The following TLCD4 variants were observed in gnomAD, a reference collection of about 807,000 sequenced individuals.
The protein encoded by TLCD4 is TLC domain containing 4.
A neutral mutation model predicts 24.2 loss-of-function variants in TLCD4; 7 were observed. That is an observed-to-expected ratio of 0.29 (90% confidence interval 0.16 to 0.54). The LOEUF is 0.54. Ranked by LOEUF, TLCD4 falls within the 20% of genes least tolerant of loss-of-function variation. The pLI is 0.95. For missense variants in TLCD4, 259 were observed against 313.9 expected, an observed-to-expected ratio of 0.82 and a Z score of 1.32; for synonymous variants, 103 against 106.4, an observed-to-expected ratio of 0.97 and a Z score of 0.20.
chr1:95,119,885 A>T (rs540137138), intron 1 of TLCD4, among the ~76,000 whole-genome samples: 2 of 150,836 alleles, frequency 1.3e-5, no homozygotes, highest in Non-Finnish European at 3.0e-5. Context: ...TCAAACTGGG[A>T]TACTCAGTTT....
chr1:95,181,320 G>A (rs984930059), intron 6 of TLCD4, among the ~76,000 whole-genome samples: 7 of 152,114 alleles, frequency 4.6e-5, no homozygotes, highest in African/African-American at 1.7e-4. Context: ...AGTCTGTTGT[G>A]ATAAGTAGTG....
At chr1:95,153,826 C>T (rs1207069296) in intron 5 of TLCD4, among the ~76,000 whole-genome samples, 1 of 152,050 alleles carries the variant, frequency 6.6e-6, no homozygotes, top group Admixed American at 6.6e-5. Context: ...GACATGATGG[C>T]CTTGAAATGT....
the TLCD4 span, among the ~76,000 whole-genome samples, chr1:95,105,128 G>A: frequency 2.0e-5 from 3 of 152,136 alleles, no homozygotes; most frequent in African/African-American, 7.2e-5. Context: ...ATTTCGCCTA[G>A]CATCAGGAGA....
Position 95,192,018 on chromosome 1 carries a change from C to A in TLCD4, c.*150C>A. 1 of 1,433,994 alleles carries A rather than the reference C, an allele frequency of 7.0e-7. No homozygotes were observed. The highest frequency in any genetic ancestry group is 2.9e-5 in the Admixed American group (1 of 34,826). The allele number at this position is 1,433,994 out of a possible 1,614,324, so 88.8% of individuals were successfully genotyped here. On this transcript the variant is annotated 3_prime_UTR_variant, in exon 7 of 7. Coordinates refer to ENST00000370203, the MANE Select transcript of TLCD4 (RefSeq NM_152487.3). ...TTTTAAACCTTAGAAAAGAGAAGGC[C>A]GGGCACGGTGGCTCATGCCTGTAAT... is the stretch of plus-strand genomic sequence containing the variant.
the TLCD4 span, among the ~76,000 whole-genome samples, chr1:95,097,433 G>A: frequency 6.6e-6 from 1 of 152,196 alleles, no homozygotes; most frequent in South Asian, 2.1e-4. Context: ...AGCTATGAGA[G>A]AAATGGTTAA....
chr1:95,118,041 C>T (rs1290838296), intron 1 of TLCD4: 1 of 152,228 alleles, frequency 6.6e-6, no homozygotes, highest in Non-Finnish European at 1.5e-5. Context: ...TTTGGGCATC[C>T]AGGGAGAGCT....
chr1:95,132,418 T>C (rs1054823322), intron 1 of TLCD4, among the ~76,000 whole-genome samples: 7 of 137,408 alleles, frequency 5.1e-5, no homozygotes, highest in African/African-American at 1.9e-4. Flanking sequence ...GATTGCACCA[T>C]TGCACTCCAG....
At chr1:95,102,967 C>T in the TLCD4 span, among the ~76,000 whole-genome samples, 2 of 139,938 alleles carry the variant, frequency 1.4e-5, no homozygotes, top group Non-Finnish European at 3.1e-5. Context: ...TTTGGAAGAA[C>T]TACTTTTTAA....
chr1:95,130,082 T>A (rs143311095), intron 1 of TLCD4, among the ~76,000 whole-genome samples: 2 of 152,326 alleles, frequency 1.3e-5, no homozygotes, highest in East Asian at 3.9e-4. Context: ...ATACATTCTT[T>A]TAGATGCTTA....
At chr1:95,103,842 G>A in the TLCD4 span, among the ~76,000 whole-genome samples, 1 of 152,154 alleles carries the variant, frequency 6.6e-6, no homozygotes, top group Admixed American at 6.5e-5. Context: ...TGCATTATTT[G>A]TTAAACGAAT....
chr1:95,092,918 T>C, the TLCD4 span, among the ~76,000 whole-genome samples: 6,897 of 152,260 alleles, frequency 0.045, 204 homozygotes, highest in African/African-American at 0.08. Flanking sequence ...TTTGTATTTT[T>C]AGTAGAGACA....
intron 6 of TLCD4, among the ~76,000 whole-genome samples, chr1:95,175,130 T>C (rs1678377347): frequency 6.6e-6 from 1 of 152,204 alleles, no homozygotes; most frequent in South Asian, 2.1e-4. Flanking sequence ...ATTCACATTA[T>C]TGTGCAACAG....
chr1:95,135,395 C>G (rs1258989004), intron 1 of TLCD4, among the ~76,000 whole-genome samples: 2 of 130,502 alleles, frequency 1.5e-5, no homozygotes, highest in Non-Finnish European at 3.3e-5. Context: ...TTTTTGTACA[C>G]TTTTTTTTTT....
At chr1:95,140,517 T>C (rs1286476300) in intron 1 of TLCD4, among the ~76,000 whole-genome samples, 1 of 152,244 alleles carries the variant, frequency 6.6e-6, no homozygotes, top group Non-Finnish European at 1.5e-5. Flanking sequence ...CCATCTTTAA[T>C]GAAAAGTATA....
At chr1:95,149,386 AG>A (rs1677431478) in intron 3 of TLCD4, among the ~76,000 whole-genome samples, 1 of 152,206 alleles carries the variant, frequency 6.6e-6, no homozygotes, top group Admixed American at 6.5e-5. Flanking sequence ...GAGAAGGCTT[AG>A]TTCAGCTTAG....
At chr1:95,182,030 T>C (rs148696326) in intron 6 of TLCD4, among the ~76,000 whole-genome samples, 2 of 152,330 alleles carry the variant, frequency 1.3e-5, no homozygotes, top group Non-Finnish European at 2.9e-5. Flanking sequence ...ATTTATTAGA[T>C]GACATTTAAA....
chr1:95,110,590 T>G, the TLCD4 span, among the ~76,000 whole-genome samples: 1 of 152,050 alleles, frequency 6.6e-6, no homozygotes, highest in African/African-American at 2.4e-5. Context: ...GAGGAGGACA[T>G]TCAATAAATG....
rs141873857 is a variant in TLCD4 at position 95,193,636 on chromosome 1, G to A, written c.*1768G>A. The A allele has an allele frequency of 9.2e-5, 14 of 152,138 alleles. No individual in the cohort carries two copies. The East Asian group carries it at 2.5e-3, about 27-fold the overall frequency. The allele number at this position is 152,138 out of a possible 1,614,324, so 9.4% of individuals were successfully genotyped here. The stretch of plus-strand genomic sequence containing the variant: ...TGCAGATAGAGCCTGATAAGTTTTA[G>A]AACATTTAAAGAAGATTGAAATCTC... On this transcript the variant is annotated 3_prime_UTR_variant, in exon 7 of 7. Coordinates refer to ENST00000370203, the MANE Select transcript of TLCD4 (RefSeq NM_152487.3).
intron 1 of TLCD4, among the ~76,000 whole-genome samples, chr1:95,133,777 C>T (rs1236423247): frequency 5.9e-5 from 9 of 151,984 alleles, no homozygotes; most frequent in African/African-American, 1.9e-4. Flanking sequence ...GTAATTCTCA[C>T]ACACTGGCTT....
Sources: allele counts gnomAD v4.1 joint callset (sites outside exome capture counted in the v4.1 genomes callset), GRCh38; gene constraint gnomAD v4.1.1; transcripts MANE v1.5; gene names NCBI Gene and HGNC (gene_info 2026-07-23, HGNC 2026-07-21).